CPQ: variants seen among roughly 807,000 people sequenced by gnomAD.
CPQ encodes the protein carboxypeptidase Q, also known as Ser-Met dipeptidase.
Under a neutral mutation model 45.7 loss-of-function variants are expected in CPQ, and 37 were observed. The ratio of observed to expected loss-of-function variants is 0.81; its 90% CI spans 0.62 to 1.07. The LOEUF (loss-of-function observed/expected upper bound fraction) is 1.07. Among genes scored for constraint, CPQ ranks in the 50% least tolerant of loss-of-function variants. CPQ has a pLI of 0.00. For missense variants in CPQ, 537 were observed against 572.9 expected (o/e 0.94, Z 0.64); for synonymous variants, 186 against 205.8 (o/e 0.90, Z 0.82).
At chr8:96,925,968 A>G (rs1004819911) in intron 4 of CPQ, among the ~76,000 whole-genome samples, 13 of 152,314 alleles carry the variant, frequency 8.5e-5, no homozygotes, top group South Asian at 2.1e-4. Flanking sequence ...TATTACAGGC[A>G]TGAGCCACCG....
At chr8:97,071,416 C>CA (rs773975013) in intron 7 of CPQ, among the ~76,000 whole-genome samples, 13 of 152,146 alleles carry the variant, frequency 8.5e-5, no homozygotes, top group Non-Finnish European at 1.5e-4. Context: ...ACCAGGCCTC[C>CA]ACTTGTGTTC....
At chr8:96,996,341 A>G (rs1809178292) in intron 5 of CPQ, among the ~76,000 whole-genome samples, 1 of 152,014 alleles carries the variant, frequency 6.6e-6, no homozygotes, top group African/African-American at 2.4e-5. Flanking sequence ...TTTTAAAAGC[A>G]CAGCCTACAA....
chr8:96,766,890 C>T (rs761415828), intron 1 of CPQ, among the ~76,000 whole-genome samples: 11 of 152,146 alleles, frequency 7.2e-5, no homozygotes, highest in Non-Finnish European at 1.3e-4. Context: ...CTCTGTTGCT[C>T]TGTGTGTCCT....
At chr8:96,693,535 A>T (rs965863732) in intron 1 of CPQ, among the ~76,000 whole-genome samples, 1 of 152,230 alleles carries the variant, frequency 6.6e-6, no homozygotes, top group Non-Finnish European at 1.5e-5. Flanking sequence ...AAAACTTTAC[A>T]GGCCAGGAGA....
chr8:96,676,761 T>G (rs1324480665), intron 1 of CPQ, among the ~76,000 whole-genome samples: 1 of 152,052 alleles, frequency 6.6e-6, no homozygotes, highest in East Asian at 1.9e-4. Flanking sequence ...TCTGAGATTT[T>G]GGTGTACCCA....
chr8:97,006,103 A>G (rs770714557), intron 5 of CPQ, among the ~76,000 whole-genome samples: 36 of 152,214 alleles, frequency 2.4e-4, no homozygotes, highest in Non-Finnish European at 5.0e-4. Context: ...TCAGCCAGCG[A>G]GTCTGCTGAC....
intron 1 of CPQ, among the ~76,000 whole-genome samples, chr8:96,719,020 T>C (rs1042195181): frequency 6.6e-6 from 1 of 152,222 alleles, no homozygotes; most frequent in African/African-American, 2.4e-5. Context: ...CCAGCTGGCT[T>C]CACCCAGTAG....
intron 4 of CPQ, among the ~76,000 whole-genome samples, chr8:96,947,752 A>G (rs913085176): frequency 3.3e-5 from 5 of 152,120 alleles, no homozygotes; most frequent in South Asian, 2.1e-4. Flanking sequence ...AGCTAACTGC[A>G]GAAGCATTTC....
At chr8:96,808,302 G>A (rs1052837631) in intron 2 of CPQ, among the ~76,000 whole-genome samples, 5 of 152,116 alleles carry the variant, frequency 3.3e-5, no homozygotes, top group African/African-American at 1.2e-4. Flanking sequence ...GTGACGTGAA[G>A]CTTGGTAGTT....
intron 1 of CPQ, among the ~76,000 whole-genome samples, chr8:96,698,271 G>T (rs904477421): frequency 1.3e-5 from 2 of 152,094 alleles, no homozygotes; most frequent in Admixed American, 6.6e-5. Flanking sequence ...TCAATAAGTG[G>T]TGCTGGGAAA....
intron 6 of CPQ, among the ~76,000 whole-genome samples, chr8:97,038,825 C>CAAAA (rs35739621): frequency 3.3e-5 from 3 of 91,872 alleles, no homozygotes; most frequent in African/African-American, 4.2e-5. Context: ...ACCGTATTTA[C>CAAAA]AAAAAAAAAA....
chr8:97,097,822 G>A (rs563336091), intron 7 of CPQ, among the ~76,000 whole-genome samples: 1 of 151,366 alleles, frequency 6.6e-6, no homozygotes, highest in African/African-American at 2.4e-5. Context: ...GAGAGAGAGA[G>A]AAAGAAAGAA....
intron 3 of CPQ, among the ~76,000 whole-genome samples, chr8:96,868,455 T>G (rs1205389546): frequency 6.6e-6 from 1 of 152,056 alleles, no homozygotes; most frequent in Non-Finnish European, 1.5e-5. Flanking sequence ...TCAGGGTGTT[T>G]CTTTAGTTGA....
intron 1 of CPQ, among the ~76,000 whole-genome samples, chr8:96,709,358 C>T (rs1455025154): frequency 1.3e-5 from 2 of 152,020 alleles, no homozygotes; most frequent in Non-Finnish European, 2.9e-5. Flanking sequence ...ATTTGGTTTT[C>T]TATTCCTGAG....
chr8:97,016,706 A>G lies in CPQ; in HGVS notation c.962-12697A>G, dbSNP rs1395316866. 5.3e-5 allele frequency among the ~76,000 whole-genome samples: 8 copies of G among 152,292 alleles called. No individual in the cohort carries two copies. The East Asian group carries it at 1.4e-3, about 26-fold the overall frequency. ...AGCCTTCCCAGAGAAAGTATTATAG[A>G]GATAGGCTTTGTTCAATGAATAGGA... On this transcript the variant is annotated intron_variant, in intron 5 of 7. Transcript: ENST00000220763.
At chr8:96,709,776 C>T (rs772521511) in intron 1 of CPQ, among the ~76,000 whole-genome samples, 4 of 152,006 alleles carry the variant, frequency 2.6e-5, no homozygotes, top group Non-Finnish European at 5.9e-5. Context: ...CTGTTGGATT[C>T]GATTTGCTAG....
At chr8:96,854,074 C>A (rs1811808075) in intron 3 of CPQ, among the ~76,000 whole-genome samples, 1 of 152,088 alleles carries the variant, frequency 6.6e-6, no homozygotes, top group Non-Finnish European at 1.5e-5. Context: ...GTGGACACAT[C>A]ACATTAGCAG....
At chr8:96,956,221 T>C (rs1467051448) in intron 4 of CPQ, among the ~76,000 whole-genome samples, 1 of 152,210 alleles carries the variant, frequency 6.6e-6, no homozygotes, top group Non-Finnish European at 1.5e-5. Context: ...TAATTTTTAT[T>C]TGTTCTCTCC....
At chr8:97,004,984 T>C (rs1438818148) in intron 5 of CPQ, among the ~76,000 whole-genome samples, 4 of 152,150 alleles carry the variant, frequency 2.6e-5, no homozygotes, top group African/African-American at 7.2e-5. Flanking sequence ...TGAAGAAAAA[T>C]TGAATTAAAA....
Sources: allele counts gnomAD v4.1 joint callset (sites outside exome capture counted in the v4.1 genomes callset), GRCh38; gene constraint gnomAD v4.1.1; transcripts MANE v1.5; gene names NCBI Gene and HGNC (gene_info 2026-07-23, HGNC 2026-07-21).